RAPGEF4: variants seen among roughly 807,000 people sequenced by gnomAD.
The protein encoded by RAPGEF4 is RAP guanine-nucleotide-exchange factor (GEF) 4.
RAPGEF4 carries 66 observed loss-of-function variants against 147.9 expected under a neutral mutation model. The ratio of observed to expected loss-of-function variants is 0.45; its 90% CI spans 0.37 to 0.55. The LOEUF is 0.55. Among genes scored for constraint, RAPGEF4 ranks in the 20% least tolerant of loss-of-function variants. RAPGEF4 has a pLI of 0.00. For synonymous variants in RAPGEF4, 419 were observed against 442.7 expected, an observed-to-expected ratio of 0.95 and a Z score of 0.67; for missense variants, 1,071 against 1,257.3, an observed-to-expected ratio of 0.85 and a Z score of 2.24.
Position 172,922,295 on chromosome 2 carries a change from G to C in RAPGEF4, c.532G>C (p.Glu178Gln). ...GSNNDRIPDK[E>Q]NTPLIEPHVP... ...TCCTCCTTTAGGGATTCCTGACAAGGAGAACGTGAGTAGCTACTCTCTCTG... is the reference window on the plus strand; with the variant it reads ...TCCTCCTTTAGGGATTCCTGACAAGCAGAACGTGAGTAGCTACTCTCTCTG... The change falls in exon 6 of 31, where the codon GAG becomes CAG. Residue 178 changes from glutamate (E) to glutamine (Q), a missense_variant. Glu to Gln is a conservative substitution (Grantham distance 29). Transcript: ENST00000397081. 6.2e-7 allele frequency: 1 copy of C among 1,606,754 alleles called. No homozygotes were observed. Among genetic ancestry groups the C allele is most frequent in the Non-Finnish European group, 8.5e-7 (1 of 1,173,434 alleles).
intron 4 of RAPGEF4, among the ~76,000 whole-genome samples, chr2:172,835,067 C>G (rs1488034810): frequency 6.6e-6 from 1 of 152,210 alleles, no homozygotes; most frequent in African/African-American, 2.4e-5. Flanking sequence ...CCAGCCGTCC[C>G]TTCTCACTGA....
At chr2:172,935,243 GA>G (rs1686433242) in intron 6 of RAPGEF4, among the ~76,000 whole-genome samples, 1 of 152,122 alleles carries the variant, frequency 6.6e-6, no homozygotes, top group Non-Finnish European at 1.5e-5. Flanking sequence ...GATGGGAGCC[GA>G]GGGCTCTACC....
Position 173,030,187 on chromosome 2 carries a change from A to G in RAPGEF4, c.2582A>G (p.Asn861Ser), listed in dbSNP as rs199973105. Residue 861 changes from asparagine to serine, a missense_variant, in exon 26 of 31, where the codon AAT (asparagine) becomes AGT (serine). By Grantham distance (46) the Asn-to-Ser change is conservative (BLOSUM62 1). Transcript: ENST00000397081. ...AAHCKEYKNL[N>S]SFFAIVMGLS... ...AGCTGTAAGGAGTATAAAAATCTGA[A>G]TTCCTTTTTTGCCATCGTCATGGGA... The G allele has an allele frequency of 9.9e-5, 160 of 1,613,262 alleles. No individual in the cohort carries two copies. Among genetic ancestry groups the G allele is most frequent in the Non-Finnish European group, 1.3e-4 (152 of 1,179,184 alleles).
intron 15 of RAPGEF4, among the ~76,000 whole-genome samples, chr2:172,995,928 G>T (rs950541572): frequency 1.3e-5 from 2 of 152,120 alleles, no homozygotes; most frequent in Admixed American, 1.3e-4. Context: ...GTGTTATGGG[G>T]TTTTGTTTGC....
intron 1 of RAPGEF4, among the ~76,000 whole-genome samples, chr2:172,794,562 T>C (rs1239604584): frequency 6.6e-6 from 1 of 152,164 alleles, no homozygotes; most frequent in Admixed American, 6.5e-5. Flanking sequence ...TCACCAACAC[T>C]GAGGCTGTCA....
intron 4 of RAPGEF4, among the ~76,000 whole-genome samples, chr2:172,864,585 C>CTGGTTCTCCCAATCATTCAATA (rs1205428219): frequency 1.3e-5 from 2 of 152,200 alleles, no homozygotes; most frequent in South Asian, 2.1e-4. Flanking sequence ...GTCCATATTA[C>CTGGTTCTCCCAATCATTCAATA]TGGTTCTCCC....
At position 172,960,818 on chromosome 2, in the gene RAPGEF4, T is replaced by C. The variant is rs1444429845; in HGVS notation, c.591+5T>C. 40 of 1,602,182 alleles carry C rather than the reference T, an allele frequency of 2.5e-5. No individual in the cohort carries two copies. Among genetic ancestry groups the C allele is most frequent in the Non-Finnish European group, 3.4e-5 (40 of 1,172,426 alleles). On this transcript the variant is annotated splice_donor_5th_base_variant and intron_variant, in intron 7 of 30. Coordinates refer to ENST00000397081, the MANE Select transcript of RAPGEF4 (RefSeq NM_007023.4). ...CCTGCTAACACCATTACCAAGGTAATGGGATGTAGGTGGGTTGATGAGCCA... is the reference window on the plus strand; with the variant it reads ...CCTGCTAACACCATTACCAAGGTAACGGGATGTAGGTGGGTTGATGAGCCA...
chr2:172,808,048 A>G lies in RAPGEF4; in HGVS notation c.298-6231A>G, dbSNP rs567091538. On this transcript the variant is annotated intron_variant, in intron 3 of 30. Coordinates refer to ENST00000397081, the MANE Select transcript of RAPGEF4 (RefSeq NM_007023.4). The stretch of plus-strand genomic sequence containing the variant: ...TATTTTAAATTCCATCAGAATACCT[A>G]TAACTTGTGTAAGTTGGATTTCAGC... Among the ~76,000 whole-genome samples, 31 of 152,362 alleles carry G rather than the reference A, an allele frequency of 2.0e-4. No homozygotes were observed. In the South Asian group the frequency reaches 5.4e-3, roughly 26 times the overall value.
intron 4 of RAPGEF4, among the ~76,000 whole-genome samples, chr2:172,854,297 A>G (rs1343835495): frequency 6.6e-6 from 1 of 151,860 alleles, no homozygotes; most frequent in Non-Finnish European, 1.5e-5. Context: ...TATTTCTTTT[A>G]GGTGAATTAC....
At chr2:172,893,488 A>G (rs1162060083) in intron 4 of RAPGEF4, among the ~76,000 whole-genome samples, 1 of 152,230 alleles carries the variant, frequency 6.6e-6, no homozygotes, top group Non-Finnish European at 1.5e-5. Flanking sequence ...ATCGACCCCC[A>G]GATGGCTGCC....
intron 4 of RAPGEF4, among the ~76,000 whole-genome samples, chr2:172,876,788 CT>C (rs1307717383): frequency 2.0e-5 from 3 of 152,216 alleles, no homozygotes; most frequent in Non-Finnish European, 4.4e-5. Flanking sequence ...AAGATTCCCT[CT>C]TTTTCTATTG....
chr2:172,921,280 G>C (rs554578199), intron 5 of RAPGEF4, among the ~76,000 whole-genome samples: 1 of 151,996 alleles, frequency 6.6e-6, no homozygotes, highest in Non-Finnish European at 1.5e-5. Flanking sequence ...GTGGAGACAG[G>C]CTTCACCATG....
chr2:172,996,097 C>T (rs776981216), intron 15 of RAPGEF4, among the ~76,000 whole-genome samples: 1 of 152,182 alleles, frequency 6.6e-6, no homozygotes, highest in Non-Finnish European at 1.5e-5. Context: ...CTCACTTCCC[C>T]TCACCAGCTC....
At chr2:172,980,226 A>G (rs1437292837) in intron 10 of RAPGEF4, among the ~76,000 whole-genome samples, 2 of 152,174 alleles carry the variant, frequency 1.3e-5, no homozygotes, top group African/African-American at 4.8e-5. Flanking sequence ...AAGGAAGTTA[A>G]GATCTGGTTT....
Position 173,048,664 on chromosome 2 carries a change from G to A in RAPGEF4, c.2908+10G>A. On this transcript the variant is annotated intron_variant, in intron 30 of 30. Coordinates refer to ENST00000397081, the MANE Select transcript of RAPGEF4 (RefSeq NM_007023.4). ...AGGAGCCAACCCTTCAGTAAGTTAAGTGCTGCCACCTCTTACAATGTAGAT... is the reference window on the plus strand; with the variant it reads ...AGGAGCCAACCCTTCAGTAAGTTAAATGCTGCCACCTCTTACAATGTAGAT... 6.2e-7 allele frequency: 1 copy of A among 1,614,106 alleles called. No homozygotes were observed. Among genetic ancestry groups the A allele is most frequent in the Non-Finnish European group, 8.5e-7 (1 of 1,179,994 alleles).
chr2:172,796,130 C>A (rs1301668340), intron 2 of RAPGEF4, among the ~76,000 whole-genome samples: 1 of 152,012 alleles, frequency 6.6e-6, no homozygotes, highest in Non-Finnish European at 1.5e-5. Flanking sequence ...GGAGCTAACA[C>A]CTAGCCCTAT....
intron 4 of RAPGEF4, among the ~76,000 whole-genome samples, chr2:172,916,439 C>G (rs1470841879): frequency 6.6e-6 from 1 of 152,028 alleles, no homozygotes; most frequent in Non-Finnish European, 1.5e-5. Flanking sequence ...TAATATGAAG[C>G]CCAGAAATGT....
intron 6 of RAPGEF4, among the ~76,000 whole-genome samples, chr2:172,927,028 G>A (rs1685442256): frequency 6.6e-6 from 1 of 152,170 alleles, no homozygotes; most frequent in Non-Finnish European, 1.5e-5. Context: ...AATTAGTAAT[G>A]ACCCAGCCTG....
In RAPGEF4 at chr2:172,824,246, C is replaced by T. The variant is rs771598325; in HGVS notation, c.444+9821C>T. On this transcript the variant is annotated intron_variant, in intron 4 of 30. Coordinates refer to ENST00000397081, the MANE Select transcript of RAPGEF4 (RefSeq NM_007023.4). ...GAAGCTTTTTAAAAGATTTCCATGC[C>T]GGGACTTTTGATAGACTGATGAAGC... 9.1e-4 allele frequency among the ~76,000 whole-genome samples: 138 copies of T among 152,054 alleles called. 3 individuals carry two copies. The highest frequency in any genetic ancestry group is 3.2e-4 in the Non-Finnish European group (22 of 68,018).
Sources: gnomAD v4.1 joint callset for allele counts (sites outside exome capture counted in the v4.1 genomes callset) on GRCh38, gnomAD v4.1.1 for gene constraint, MANE v1.5 for transcripts, NCBI Gene and HGNC (gene_info 2026-07-23, HGNC 2026-07-21) for gene names.